Variants in MACC1 observed in about 807,000 individuals in gnomAD.
The protein encoded by MACC1 is metastasis-associated in colon cancer protein 1.
In MACC1, 79 loss-of-function variants were observed where a neutral mutation model predicts 70.7. The ratio of observed to expected loss-of-function variants is 1.12; its 90% CI spans 0.93 to 1.35. MACC1 has a LOEUF of 1.35. MACC1 is among the 40% of genes most tolerant of loss of function. MACC1 has a pLI of 0.00. For synonymous variants in MACC1, 361 were observed against 347.2 expected (o/e 1.04, Z -0.44); for missense variants, 1,106 against 978.1 (o/e 1.13, Z -1.74).
chr7:20,208,907 T>C (rs1782954049), intron 1 of MACC1, among the ~76,000 whole-genome samples: 1 of 152,154 alleles, frequency 6.6e-6, no homozygotes, highest in African/African-American at 2.4e-5. Context: ...CTGCTTCACC[T>C]CCAGTCATGG....
intron 2 of MACC1, among the ~76,000 whole-genome samples, chr7:20,169,237 A>G (rs1038941862): frequency 6.6e-6 from 1 of 152,230 alleles, no homozygotes; most frequent in African/African-American, 2.4e-5. Flanking sequence ...AGATGTTTCA[A>G]GCAAACTCTG....
intron 6 of MACC1, among the ~76,000 whole-genome samples, chr7:20,142,726 A>C (rs752743228): frequency 1.3e-5 from 2 of 152,222 alleles, no homozygotes. Flanking sequence ...GCTCAGTTGC[A>C]AAGAATCACT....
chr7:20,154,530 T>C (rs932249970), intron 5 of MACC1, 149 bp from the exon 6 acceptor site: 1 of 814,464 alleles, frequency 1.2e-6, no homozygotes, highest in African/African-American at 1.7e-5. Flanking sequence ...AAGGAGTTGA[T>C]TCACATTTAA....
chr7:20,200,731 A>C (rs2128108208), intron 1 of MACC1, among the ~76,000 whole-genome samples: 1 of 152,330 alleles, frequency 6.6e-6, no homozygotes, highest in South Asian at 2.1e-4. Flanking sequence ...CCCCAGCTAG[A>C]AACATGGGTG....
At chr7:20,149,297 C>A (rs1017976427) in intron 6 of MACC1, among the ~76,000 whole-genome samples, 5 of 152,124 alleles carry the variant, frequency 3.3e-5, no homozygotes, top group Non-Finnish European at 5.9e-5. Context: ...GTATTTTATT[C>A]TATTTTCCAA....
Position 20,158,678 on chromosome 7 carries a change from T to C in MACC1, c.1683A>G (p.Leu561=), listed in dbSNP as rs1782091747. The change falls in exon 5 of 7, where the codon CTA becomes CTG. Residue 561 remains leucine (L), a synonymous_variant. Coordinates refer to ENST00000400331, the MANE Select transcript of MACC1 (RefSeq NM_182762.4). The part of the protein sequence containing the change: ...SNYGVTLKAV[L]RQSKIDYFLE... ...GGAAGTAATCAATCTTGCTTTGTCT[T>C]AGCACTGCCTTCAGGGTTACCCCAT... 3 of 1,613,862 alleles carry C rather than the reference T, an allele frequency of 1.9e-6. No individual in the cohort carries two copies. The highest frequency in any genetic ancestry group is 2.7e-5 in the African/African-American group (2 of 74,960).
chr7:20,182,462 T>C (rs1782524688), intron 1 of MACC1, among the ~76,000 whole-genome samples: 1 of 152,154 alleles, frequency 6.6e-6, no homozygotes, highest in Non-Finnish European at 1.5e-5. Context: ...TGCCTCCTGA[T>C]TCCTATTTGC....
chr7:20,177,663 TTAATA>T (rs1275406816), intron 1 of MACC1, among the ~76,000 whole-genome samples: 1 of 151,928 alleles, frequency 6.6e-6, no homozygotes, highest in African/African-American at 2.4e-5. Context: ...TTTTCACAGT[TTAATA>T]TATCTGAAAT....
chr7:20,217,138 C>G (rs1562606989), intron 1 of MACC1, among the ~76,000 whole-genome samples, 161 bp downstream of exon 1: 1 of 152,060 alleles, frequency 6.6e-6, no homozygotes, highest in South Asian at 2.1e-4. Flanking sequence ...AACACATGTC[C>G]CATAAGCCCA....
chr7:20,211,823 T>C (rs562212745), intron 1 of MACC1, among the ~76,000 whole-genome samples: 26 of 152,220 alleles, frequency 1.7e-4, no homozygotes, highest in African/African-American at 6.0e-4. Context: ...TAATATTTTA[T>C]AGTACTACTT....
At chr7:20,202,637 T>C (rs1372104909) in intron 1 of MACC1, among the ~76,000 whole-genome samples, 1 of 152,222 alleles carries the variant, frequency 6.6e-6, no homozygotes, top group Non-Finnish European at 1.5e-5. Context: ...CCAAAAACTT[T>C]TTGATTTTGG....
At chr7:20,196,369 A>G (rs1782753393) in intron 1 of MACC1, among the ~76,000 whole-genome samples, 1 of 151,870 alleles carries the variant, frequency 6.6e-6, no homozygotes, top group Non-Finnish European at 1.5e-5. Flanking sequence ...TTTAGTAGAG[A>G]CGGGGTTTCA....
At chr7:20,180,708 G>A (rs1466906031) in intron 1 of MACC1, among the ~76,000 whole-genome samples, 1 of 152,050 alleles carries the variant, frequency 6.6e-6, no homozygotes, top group Admixed American at 6.6e-5. Context: ...TTAGCCAGAT[G>A]TGGTGGTGCG....
At chr7:20,213,220 A>G (rs1783023460) in intron 1 of MACC1, among the ~76,000 whole-genome samples, 1 of 152,208 alleles carries the variant, frequency 6.6e-6, no homozygotes, top group South Asian at 2.1e-4. Flanking sequence ...CAAAACCACA[A>G]TGAGATATCA....
intron 1 of MACC1, among the ~76,000 whole-genome samples, chr7:20,197,428 T>G (rs1381104986): frequency 6.6e-6 from 1 of 152,232 alleles, no homozygotes; most frequent in Non-Finnish European, 1.5e-5. Flanking sequence ...TTTTTGTATG[T>G]TAAATAAACT....
intron 1 of MACC1, among the ~76,000 whole-genome samples, chr7:20,199,007 T>C (rs951422453): frequency 2.0e-5 from 3 of 152,226 alleles, no homozygotes; most frequent in African/African-American, 7.2e-5. Context: ...TATGTAAATA[T>C]AATATTTTAT....
intron 1 of MACC1, among the ~76,000 whole-genome samples, chr7:20,186,818 T>G (rs929910285): frequency 6.6e-6 from 1 of 152,188 alleles, no homozygotes; most frequent in Admixed American, 6.5e-5. Context: ...AAATTAATTA[T>G]AAAACATCCT....
chr7:20,184,223 C>T (rs942236514), intron 1 of MACC1, among the ~76,000 whole-genome samples: 3 of 152,108 alleles, frequency 2.0e-5, no homozygotes, highest in African/African-American at 7.2e-5. Flanking sequence ...GCACCCATCA[C>T]CCAAGCAGTG....
At position 20,161,855 on chromosome 7, in the gene MACC1, A is replaced by T. The variant is rs945887013; in HGVS notation, c.8T>A (p.Ile3Asn). ...TGACCGAAAATGTTTTCTTTCAGTG[A>T]TTAGCATTTTTCCACCTACAAAGTA... ML[I>N]TERKHFRSGR... The change falls in exon 4 of 7, where the codon ATC becomes AAC. Residue 3 changes from isoleucine to asparagine, a missense_variant. Coordinates refer to ENST00000400331, the MANE Select transcript of MACC1 (RefSeq NM_182762.4). The T allele has an allele frequency of 2.5e-6, 4 of 1,607,130 alleles. No individual in the cohort carries two copies. In the South Asian group the frequency reaches 4.4e-5, roughly 18 times the overall value.
Sources: gnomAD v4.1 joint callset for allele counts (sites outside exome capture counted in the v4.1 genomes callset) on GRCh38, gnomAD v4.1.1 for gene constraint, MANE v1.5 for transcripts, NCBI Gene and HGNC (gene_info 2026-07-23, HGNC 2026-07-21) for gene names.